Variants in MSR1 observed in about 807,000 individuals in gnomAD.
The protein encoded by MSR1 is macrophage scavenger receptor types I and II.
MSR1 carries 53 observed loss-of-function variants against 47.2 expected under a neutral mutation model. The ratio of observed to expected loss-of-function variants is 1.12; its 90% CI spans 0.90 to 1.41. The LOEUF (loss-of-function observed/expected upper bound fraction) is 1.41, where lower values mean the gene tolerates loss of function less well. Among genes scored for constraint, MSR1 ranks in the 40% most tolerant of loss-of-function variants. The probability of loss-of-function intolerance (pLI) is 0.00; values close to 1 mark genes in which losing one functional copy is unlikely to be tolerated. For missense variants in MSR1, 786 were observed against 546.9 expected (o/e 1.44, Z -4.36); for synonymous variants, 239 against 185.6 (o/e 1.29, Z -2.34).
chr8:16,117,232 C>G (rs1799897022), intron 9 of MSR1, among the ~76,000 whole-genome samples: 3 of 152,100 alleles, frequency 2.0e-5, no homozygotes, highest in Non-Finnish European at 4.4e-5. Flanking sequence ...GCATTAGATA[C>G]TCATAGGAAC....
chr8:16,174,187 T>C (rs1801571529), intron 3 of MSR1, among the ~76,000 whole-genome samples: 1 of 152,208 alleles, frequency 6.6e-6, no homozygotes, highest in Non-Finnish European at 1.5e-5. Flanking sequence ...ATTTTTGCTC[T>C]GTCTTGGAAT....
At chr8:16,146,047 C>T (rs1370820969) in intron 7 of MSR1, among the ~76,000 whole-genome samples, 1 of 152,106 alleles carries the variant, frequency 6.6e-6, no homozygotes, top group Non-Finnish European at 1.5e-5. Context: ...ATAACATCAT[C>T]ATGATTTCAA....
rs921235405 is a variant in MSR1, at chr8:16,154,270, T to C, written c.898+794A>G. Among the ~76,000 whole-genome samples, 14 of 152,074 alleles carry C rather than the reference T, an allele frequency of 9.2e-5. No individual in the cohort carries two copies. In the East Asian group the frequency reaches 2.7e-3, roughly 29 times the overall value. ...TAACACAAACCATTCTACTTATAATTAGACCTTGCAGTATACTTCCTACCA... is the reference window on the plus strand; with the variant it reads ...TAACACAAACCATTCTACTTATAATCAGACCTTGCAGTATACTTCCTACCA... On this transcript the variant is annotated intron_variant, in intron 6 of 9. Coordinates refer to ENST00000262101, the MANE Select transcript of MSR1 (RefSeq NM_138715.3).
At chr8:16,128,716 G>C (rs1800185469) in intron 8 of MSR1, among the ~76,000 whole-genome samples, 1 of 152,076 alleles carries the variant, frequency 6.6e-6, no homozygotes. Context: ...TTAATTTATA[G>C]GTGGAGTTAA....
chr8:16,168,449 A>C lies in MSR1; in HGVS notation c.630+9T>G, dbSNP rs993158753. The C allele has an allele frequency of 1.2e-6, 2 of 1,613,996 alleles. No homozygotes were observed. Among genetic ancestry groups the C allele is most frequent in the Non-Finnish European group, 1.7e-6 (2 of 1,179,948 alleles). On this transcript the variant is annotated intron_variant, in intron 4 of 9. Coordinates refer to ENST00000262101, the MANE Select transcript of MSR1 (RefSeq NM_138715.3). Reference sequence around the variant, plus strand: ...CCAGCAAGTGACCTTGCAGTCCACAAACTCTTACCTCTTGTTGTTTGAAGG... The same window carrying C: ...CCAGCAAGTGACCTTGCAGTCCACACACTCTTACCTCTTGTTGTTTGAAGG...
At chr8:16,187,160 C>T (rs375438648) in intron 1 of MSR1, among the ~76,000 whole-genome samples, 147 of 151,584 alleles carry the variant, frequency 9.7e-4, no homozygotes, top group African/African-American at 3.4e-3. Flanking sequence ...GTCAGGAGTT[C>T]GAGACCATCC....
At chr8:16,140,456 C>A in intron 8 of MSR1, 1 of 986,478 alleles carries the variant, frequency 1.0e-6, no homozygotes, top group Non-Finnish European at 1.2e-6. Flanking sequence ...TTAAAATTTA[C>A]ACCCTAGTTG....
intron 7 of MSR1, 81 bp downstream of exon 7, chr8:16,150,150 A>ATATATATAT (rs1800812133): frequency 4.1e-6 from 1 of 241,800 alleles, no homozygotes; most frequent in African/African-American, 2.7e-5. Context: ...GTATATATAT[A>ATATATATAT]TATATATATA....
Position 16,109,949 on chromosome 8 carries a change from T to C in MSR1, c.*136A>G. On this transcript the variant is annotated 3_prime_UTR_variant, in exon 10 of 10. Transcript: ENST00000262101. ...GTAAGCATGAAGGTGTTCAATATAT[T>C]AATCCTGTAATCTAAAATATTATTT... is the stretch of plus-strand genomic sequence containing the variant. The C allele has an allele frequency of 9.8e-7, 1 of 1,025,124 alleles. No individual in the cohort carries two copies. The highest frequency in any genetic ancestry group is 1.5e-6 in the Non-Finnish European group (1 of 685,422). The allele number at this position is 1,025,124 out of a possible 1,614,324, so 63.5% of individuals were successfully genotyped here.
chr8:16,155,395 C>T (rs1217219295), intron 5 of MSR1, among the ~76,000 whole-genome samples: 1 of 151,998 alleles, frequency 6.6e-6, no homozygotes, highest in Non-Finnish European at 1.5e-5. Context: ...GTGTGCCTAA[C>T]ACTTTTCTAT....
intron 4 of MSR1, 28 bp downstream of exon 4, chr8:16,168,430 A>G (rs761275197): frequency 2.5e-6 from 4 of 1,613,248 alleles, no homozygotes; most frequent in South Asian, 2.2e-5. Flanking sequence ...AGTTCCAGCA[A>G]GTGACCTTGC....
intron 4 of MSR1, 112 bp downstream of exon 4, chr8:16,168,346 A>G: frequency 9.6e-7 from 1 of 1,037,350 alleles, no homozygotes; most frequent in Non-Finnish European, 1.5e-6. Flanking sequence ...AATCAGGGTA[A>G]ACAGGATGAT....
At chr8:16,122,060 C>CTA (rs999937798) in intron 8 of MSR1, among the ~76,000 whole-genome samples, 4 of 151,918 alleles carry the variant, frequency 2.6e-5, no homozygotes, top group African/African-American at 9.7e-5. Context: ...TGGCATGTTA[C>CTA]TATATATATA....
intron 4 of MSR1, among the ~76,000 whole-genome samples, chr8:16,166,622 G>T (rs1306597352): frequency 6.6e-6 from 1 of 151,982 alleles, no homozygotes. Flanking sequence ...TACCACCAGT[G>T]ACCCTCCTAG....
At chr8:16,117,416 A>T (rs750726975) in intron 9 of MSR1, among the ~76,000 whole-genome samples, 2 of 152,148 alleles carry the variant, frequency 1.3e-5, no homozygotes, top group Admixed American at 6.5e-5. Flanking sequence ...ACAATAGTAA[A>T]TCAATTGCTT....
chr8:16,134,789 C>T (rs1002286633), intron 8 of MSR1, among the ~76,000 whole-genome samples: 2 of 152,244 alleles, frequency 1.3e-5, no homozygotes, highest in South Asian at 4.1e-4. Context: ...ATTAAAAGTG[C>T]CACTCCAGTG....
chr8:16,108,854 G>A lies in MSR1; in HGVS notation c.*1231C>T, dbSNP rs909854096. ...AATGCTTAAGCTTATGCTTTCATTT[G>A]CCACTATTAAAGAAAGAACAGTAGA... On this transcript the variant is annotated 3_prime_UTR_variant, in exon 10 of 10. Transcript: ENST00000262101. 6.6e-6 allele frequency: 1 copy of A among 152,010 alleles called. No homozygotes were observed. The highest frequency in any genetic ancestry group is 2.4e-5 in the African/African-American group (1 of 41,392). The allele number at this position is 152,010 out of a possible 1,614,324, so 9.4% of individuals were successfully genotyped here. A position where few individuals can be genotyped will look rare whatever the true frequency, so the allele number is the denominator to read the frequency against.
At chr8:16,128,934 C>G (rs1800191427) in intron 8 of MSR1, among the ~76,000 whole-genome samples, 2 of 152,018 alleles carry the variant, frequency 1.3e-5, no homozygotes. Context: ...AAGCACATGT[C>G]CTTTTGGTGC....
At chr8:16,136,333 C>T (rs994823903) in intron 8 of MSR1, among the ~76,000 whole-genome samples, 1 of 152,072 alleles carries the variant, frequency 6.6e-6, no homozygotes, top group African/African-American at 2.4e-5. Context: ...GACCCTCCAC[C>T]AGAAAAAGAT....
Sources: allele counts gnomAD v4.1 joint callset (sites outside exome capture counted in the v4.1 genomes callset), GRCh38; gene constraint gnomAD v4.1.1; transcripts MANE v1.5; gene names NCBI Gene and HGNC (gene_info 2026-07-23, HGNC 2026-07-21).